The following KLHL13 variants were observed in gnomAD, a reference collection of about 807,000 sequenced individuals.
KLHL13 encodes the protein kelch-like protein 13.
Under a neutral mutation model 37.1 loss-of-function variants are expected in KLHL13, and 10 were observed. That is an observed-to-expected ratio of 0.27 (90% CI 0.17 to 0.46). The LOEUF is 0.46. Among genes scored for constraint, KLHL13 ranks in the 20% least tolerant of loss-of-function variants. KLHL13 has a pLI of 1.00. For synonymous variants in KLHL13, 163 were observed against 181.2 expected, an observed-to-expected ratio of 0.90 and a Z score of 0.81; for missense variants, 360 against 509.3, an observed-to-expected ratio of 0.71 and a Z score of 2.82.
At chrX:118,012,501 A>T (rs1362724822) in intron 1 of KLHL13, among the ~76,000 whole-genome samples, 1 of 109,453 alleles carries the variant, frequency 9.1e-6, no homozygotes, top group African/African-American at 3.3e-5. Flanking sequence ...CCTTTTCCTG[A>T]CTCGCACCTG....
chrX:117,977,502 TC>T (rs2053609041), upstream of KLHL13, among the ~76,000 whole-genome samples: 1 of 111,850 alleles, frequency 8.9e-6, no homozygotes, highest in Non-Finnish European at 1.9e-5. Flanking sequence ...TCCATTTTTT[TC>T]CTGATGTCCC....
At chrX:118,089,360 G>C (rs2055091258) in intron 1 of KLHL13, among the ~76,000 whole-genome samples, 1 of 109,070 alleles carries the variant, frequency 9.2e-6, no homozygotes, top group Non-Finnish European at 1.9e-5. Flanking sequence ...GATATCACTG[G>C]AGGTCTAGTG....
chrX:118,000,218 G>T (rs747649034), intron 1 of KLHL13, among the ~76,000 whole-genome samples: 27 of 111,427 alleles, frequency 2.4e-4, no homozygotes, highest in Non-Finnish European at 4.9e-4. Context: ...AAATGCAGCC[G>T]GGAGGACTTG....
intron 1 of KLHL13, among the ~76,000 whole-genome samples, chrX:118,015,529 C>T (rs1185117466): frequency 9.0e-6 from 1 of 110,690 alleles, no homozygotes; most frequent in Non-Finnish European, 1.9e-5. Context: ...TGAGATTGCA[C>T]AGGAAGAATG....
At chrX:117,901,147 TGAAA>T (rs1190331895) in intron 6 of KLHL13, among the ~76,000 whole-genome samples, 2 of 111,699 alleles carry the variant, frequency 1.8e-5, no homozygotes, top group Non-Finnish European at 3.8e-5. Flanking sequence ...TGGACTATAC[TGAAA>T]GAGAGAATGA....
At chrX:117,982,369 A>C (rs748612851) in intron 1 of KLHL13, among the ~76,000 whole-genome samples, 2 of 111,286 alleles carry the variant, frequency 1.8e-5, no homozygotes, top group Non-Finnish European at 3.8e-5. Flanking sequence ...ACAAACCTTT[A>C]TAAAATACGT....
chrX:118,069,044 C>T (rs1353504998), intron 1 of KLHL13, among the ~76,000 whole-genome samples: 1 of 108,511 alleles, frequency 9.2e-6, no homozygotes, highest in Non-Finnish European at 1.9e-5. Context: ...CTGCACTCTG[C>T]TGCTGAGCAA....
intron 1 of KLHL13, among the ~76,000 whole-genome samples, chrX:118,008,261 G>A (rs763836190): frequency 1.8e-5 from 2 of 111,884 alleles, no homozygotes; most frequent in East Asian, 2.8e-4. Context: ...TGAAAAAGGA[G>A]GGAAGTGAAC....
At chrX:118,106,593 T>TA (rs1305343422) in intron 1 of KLHL13, among the ~76,000 whole-genome samples, 1 of 111,770 alleles carries the variant, frequency 8.9e-6, no homozygotes, top group Non-Finnish European at 1.9e-5. Context: ...TACATTATCT[T>TA]AATAACGGTC....
At chrX:118,079,482 T>C (rs1379172425) in intron 1 of KLHL13, among the ~76,000 whole-genome samples, 4 of 110,856 alleles carry the variant, frequency 3.6e-5, no homozygotes, top group Admixed American at 2.9e-4. Flanking sequence ...TCGGTAACCT[T>C]TGTATACACC....
chrX:118,019,878 C>T (rs1274867103), intron 1 of KLHL13, among the ~76,000 whole-genome samples: 1 of 103,696 alleles, frequency 9.6e-6, no homozygotes, highest in Non-Finnish European at 2.0e-5. Context: ...CAGTACCATG[C>T]TGTTTTGGTT....
At chrX:117,973,279 G>A in exon 1 of KLHL13, 1 of 967,195 alleles carries the variant, frequency 1.0e-6, no homozygotes. Flanking sequence ...AACATAGATG[G>A]GTTTCATATG....
intron 1 of KLHL13, among the ~76,000 whole-genome samples, chrX:118,055,285 A>T (rs1375175663): frequency 8.9e-6 from 1 of 112,168 alleles, no homozygotes; most frequent in African/African-American, 3.2e-5. Context: ...TCAACAATAG[A>T]TCAAAAAAGT....
intron 1 of KLHL13, among the ~76,000 whole-genome samples, chrX:118,052,198 T>A (rs1031006824): frequency 9.0e-6 from 1 of 110,727 alleles, no homozygotes; most frequent in African/African-American, 3.3e-5. Flanking sequence ...AGATTAAATA[T>A]TGCAATATGA....
intron 1 of KLHL13, among the ~76,000 whole-genome samples, chrX:118,010,001 A>C (rs2054041496): frequency 9.0e-6 from 1 of 110,749 alleles, no homozygotes; most frequent in Non-Finnish European, 1.9e-5. Flanking sequence ...GCTCATCATC[A>C]CTGGCCATCA....
At chrX:117,974,459 A>G (rs1405978070), upstream of KLHL13, among the ~76,000 whole-genome samples, 3 of 112,146 alleles carry the variant, frequency 2.7e-5, no homozygotes, top group Non-Finnish European at 5.6e-5. Flanking sequence ...TTCTTTCCAA[A>G]TTATTCCTAG....
rs145842791 is a variant in KLHL13 at position 117,966,527 on chromosome X, G to A, written c.98+6204C>T. Among the ~76,000 whole-genome samples, 803 of 111,347 alleles carry A rather than the reference G, an allele frequency of 7.2e-3. 11 individuals carry two copies. Among genetic ancestry groups the A allele is most frequent in the African/African-American group, 0.024 (743 of 30,661 alleles). The stretch of plus-strand genomic sequence containing the variant: ...TCAATGCCATCCCCATCAAGCTACC[G>A]ATGACCTTCTTCACAGAATGGGAAA... On this transcript the variant is annotated intron_variant, in intron 1 of 6. Coordinates refer to ENST00000262820, the Ensembl canonical transcript of KLHL13.
At chrX:118,073,188 A>G (rs775380517) in intron 1 of KLHL13, among the ~76,000 whole-genome samples, 2 of 111,029 alleles carry the variant, frequency 1.8e-5, no homozygotes, top group South Asian at 7.8e-4. Flanking sequence ...GCTGCTGATA[A>G]AGACATACCA....
chrX:118,042,531 C>T (rs1602678153), intron 1 of KLHL13, among the ~76,000 whole-genome samples: 1 of 111,665 alleles, frequency 9.0e-6, no homozygotes, highest in South Asian at 3.7e-4. Context: ...TAGAATATAA[C>T]TAGAAATCAA....
Sources: gnomAD v4.1 joint callset for allele counts (sites outside exome capture counted in the v4.1 genomes callset) on GRCh38, gnomAD v4.1.1 for gene constraint, MANE v1.5 for transcripts, NCBI Gene and HGNC (gene_info 2026-07-23, HGNC 2026-07-21) for gene names.